UTP20: variants seen among roughly 807,000 people sequenced by gnomAD.
UTP20 encodes the protein small subunit processome component 20 homolog.
UTP20 carries 164 observed loss-of-function variants against 329.5 expected under a neutral mutation model. The ratio of observed to expected loss-of-function variants is 0.50; its 90% CI spans 0.44 to 0.57. The LOEUF is 0.57. Among genes scored for constraint, UTP20 ranks in the 20% least tolerant of loss-of-function variants. UTP20 has a pLI of 0.00. For missense variants in UTP20, 3,055 were observed against 3,284.2 expected (o/e 0.93, Z 1.71); for synonymous variants, 1,151 against 1,159.3 (o/e 0.99, Z 0.14).
chr12:101,310,669 TTTATCAGA>T (rs1872763539), intron 19 of UTP20, among the ~76,000 whole-genome samples: 1 of 151,960 alleles, frequency 6.6e-6, no homozygotes, highest in Non-Finnish European at 1.5e-5. Context: ...ACTCACTTTT[TTTATCAGA>T]TTATCAGATT....
chr12:101,313,717 T>G (rs1872870868), intron 21 of UTP20, among the ~76,000 whole-genome samples: 1 of 144,498 alleles, frequency 6.9e-6, no homozygotes. Flanking sequence ...GACGGGTGTG[T>G]GTGGTGGGGA....
In UTP20 at chr12:101,334,501, C is replaced by T. The variant is rs918248387; in HGVS notation, c.3638C>T (p.Ala1213Val). Residue 1213 changes from alanine to valine, a missense_variant, in exon 29 of 62, where the codon GCA becomes GTA. Transcript: ENST00000261637. ...CTGATCAGTATCTGGAGCAGAAACG[C>T]AAGGTATAACCTTTCTTTTTTCCTT... Reference protein sequence around the residue: ...LKLISIWSRNARYFPLLAKQK... With the variant: ...LKLISIWSRNVRYFPLLAKQK... 4 of 1,609,932 alleles carry T rather than the reference C, an allele frequency of 2.5e-6. No individual in the cohort carries two copies. Among genetic ancestry groups the T allele is most frequent in the Non-Finnish European group, 3.4e-6 (4 of 1,179,486 alleles).
chr12:101,315,470 C>T (rs1033957542), intron 21 of UTP20, among the ~76,000 whole-genome samples: 6 of 150,140 alleles, frequency 4.0e-5, no homozygotes, highest in East Asian at 3.9e-4. Context: ...GGTGACAGAG[C>T]GAGATTCCGT....
Position 101,291,877 on chromosome 12 carries a change from G to C in UTP20, c.1027G>C (p.Asp343His), listed in dbSNP as rs201873038. ...TGGGACAAAGATACCCACGCCTGCT[G>C]ATGTCTGTAAGGTGAGTTCCCAACT... is the stretch of plus-strand genomic sequence containing the variant. ...GSGTKIPTPA[D>H]VCKVLSQTLQ... Residue 343 changes from aspartate to histidine, a missense_variant, in exon 9 of 62, where the codon GAT becomes CAT. Asp to His is a moderately conservative substitution (Grantham distance 81). Around this residue, in one of 3 missense-constraint regions of UTP20, gnomAD observed 2,445 missense variants for 2,575.5 expected, o/e 0.95. Coordinates refer to ENST00000261637, the MANE Select transcript of UTP20 (RefSeq NM_014503.3). 6.6e-5 allele frequency: 106 copies of C among 1,612,436 alleles called. No homozygotes were observed. Among genetic ancestry groups the C allele is most frequent in the Non-Finnish European group, 8.6e-5 (101 of 1,179,564 alleles).
At chr12:101,340,923 G>A (rs1291677593) in intron 32 of UTP20, among the ~76,000 whole-genome samples, 5 of 128,412 alleles carry the variant, frequency 3.9e-5, no homozygotes, top group South Asian at 5.6e-4. Context: ...AACCCAAGAA[G>A]TGCATTGTGT....
chr12:101,322,589 G>T (rs536654345), intron 25 of UTP20, among the ~76,000 whole-genome samples: 82 of 152,158 alleles, frequency 5.4e-4, no homozygotes, highest in Non-Finnish European at 3.5e-4. Context: ...GGATTTAACA[G>T]GTTTGCTTTT....
At chr12:101,385,509 A>C in intron 60 of UTP20, 74 bp from the exon 61 acceptor site, 1 of 1,501,078 alleles carries the variant, frequency 6.7e-7, no homozygotes, top group Non-Finnish European at 9.0e-7. Flanking sequence ...TGTTGTACAT[A>C]TTGTTGATTT....
chr12:101,313,790 G>A lies in UTP20; in HGVS notation c.2552+1514G>A, dbSNP rs144471555. On this transcript the variant is annotated intron_variant, in intron 21 of 61. Coordinates refer to ENST00000261637, the MANE Select transcript of UTP20 (RefSeq NM_014503.3). ...GACAGAATCAAGGATGTTCCCTAAG[G>A]CTTTGGCCTGAGCAACTAGAAGAAA... Among the ~76,000 whole-genome samples the A allele has an allele frequency of 2.4e-3, 367 of 152,064 alleles. 1 individual carries two copies. Among genetic ancestry groups the A allele is most frequent in the South Asian group, 8.3e-3 (40 of 4,816 alleles).
chr12:101,326,533 G>GTTT (rs10634411), intron 25 of UTP20, among the ~76,000 whole-genome samples: 1 of 151,436 alleles, frequency 6.6e-6, no homozygotes, highest in South Asian at 2.1e-4. Context: ...ATATTTATGT[G>GTTT]TTTTCCTGAA....
At chr12:101,286,286 A>C in intron 4 of UTP20, 35 bp from the exon 5 acceptor site, 4 of 1,518,260 alleles carry the variant, frequency 2.6e-6, no homozygotes, top group Non-Finnish European at 3.5e-6. Flanking sequence ...TTTTAAAAAA[A>C]TCCACATGAT....
chr12:101,370,674 A>C, intron 50 of UTP20, 111 bp downstream of exon 50: 1 of 1,155,256 alleles, frequency 8.7e-7, no homozygotes, highest in South Asian at 1.8e-5. Context: ...AAATTGAGTA[A>C]TTTGTAAAGA....
chr12:101,370,596 T>C, intron 50 of UTP20, 33 bp downstream of exon 50: 3 of 1,595,516 alleles, frequency 1.9e-6, no homozygotes, highest in Non-Finnish European at 2.6e-6. Flanking sequence ...ACTGTTACGG[T>C]TTATGAGTTT....
At chr12:101,380,960 A>T (rs1269024455) in intron 57 of UTP20, among the ~76,000 whole-genome samples, 180 bp from the exon 58 acceptor site, 2 of 151,920 alleles carry the variant, frequency 1.3e-5, no homozygotes, top group Non-Finnish European at 2.9e-5. Context: ...TGCTTAGGGC[A>T]GGTAGAAGGG....
intron 25 of UTP20, among the ~76,000 whole-genome samples, chr12:101,326,583 T>G (rs532618797): frequency 2.9e-4 from 44 of 152,248 alleles, no homozygotes; most frequent in African/African-American, 1.0e-3. Flanking sequence ...CTTCCTTATT[T>G]TACTTACAAT....
At chr12:101,370,628 A>G (rs568812276) in intron 50 of UTP20, 65 bp downstream of exon 50, 6 of 1,515,422 alleles carry the variant, frequency 4.0e-6, no homozygotes, top group South Asian at 3.8e-5. Flanking sequence ...TTTTGAACAC[A>G]TAGATCATAG....
rs1269828186 is a variant in UTP20 at position 101,381,203 on chromosome 12, G to A, written c.7648G>A (p.Gly2550Arg). The change falls in exon 58 of 62, where the codon GGA becomes AGA. Residue 2550 changes from glycine to arginine, a missense_variant. Physicochemically the swap from Gly to Arg is moderately radical, Grantham distance 125 (BLOSUM62 -2). Transcript: ENST00000261637. ...LHSKFLDQSLGEQVVKNLLFA... is the reference protein window; with the variant it reads ...LHSKFLDQSLREQVVKNLLFA... ...TTCCAAATTCTTGGATCAGTCTCTA[G>A]GAGAACAGGTAAGAATTGTAGTTCT... 6 of 1,612,968 alleles carry A rather than the reference G, an allele frequency of 3.7e-6. No homozygotes were observed. The highest frequency in any genetic ancestry group is 5.1e-6 in the Non-Finnish European group (6 of 1,179,084).
intron 42 of UTP20, 89 bp downstream of exon 42, chr12:101,356,782 GA>G: frequency 6.6e-7 from 1 of 1,512,588 alleles, no homozygotes. Context: ...TCAGGAAGAG[GA>G]AAAAGTACTG....
At position 101,311,780 on chromosome 12, in the gene UTP20, A is replaced by G; in HGVS notation, c.2293A>G (p.Lys765Glu). ...FWKVYYEHLE[K>E]AATHAEKELQ... ...GAAAGTCTACTATGAGCATCTAGAA[A>G]AAGCAGCTACGCATGCTGGTATGTA... is the stretch of plus-strand genomic sequence containing the variant. Residue 765 changes from lysine to glutamate, a missense_variant, in exon 20 of 62, where the codon AAA (lysine) becomes GAA (glutamate). Physicochemically the swap from Lys to Glu is moderately conservative, Grantham distance 56. Coordinates refer to ENST00000261637, the MANE Select transcript of UTP20 (RefSeq NM_014503.3). 3 of 1,613,496 alleles carry G rather than the reference A, an allele frequency of 1.9e-6. No homozygotes were observed. Among genetic ancestry groups the G allele is most frequent in the Non-Finnish European group, 2.5e-6 (3 of 1,179,898 alleles).
chr12:101,327,801 G>A (rs1266789248), intron 26 of UTP20, among the ~76,000 whole-genome samples: 1 of 152,200 alleles, frequency 6.6e-6, no homozygotes, highest in Non-Finnish European at 1.5e-5. Context: ...TGCAGTGTCA[G>A]TAATTATTAA....
Sources: allele counts gnomAD v4.1 joint callset (sites outside exome capture counted in the v4.1 genomes callset), GRCh38; gene constraint gnomAD v4.1.1; regional missense constraint gnomAD v4.1.1; transcripts MANE v1.5; gene names NCBI Gene and HGNC (gene_info 2026-07-23, HGNC 2026-07-21).